The following PCDH15 variants were observed in gnomAD, a reference collection of about 807,000 sequenced individuals.
PCDH15 encodes protocadherin related 15.
Under a neutral mutation model 178.5 loss-of-function variants are expected in PCDH15, and 129 were observed. That is an observed-to-expected ratio of 0.72 (90% CI 0.63 to 0.84). PCDH15 has a LOEUF of 0.84. Ranked by LOEUF, PCDH15 falls within the 40% of genes least tolerant of loss-of-function variation. PCDH15 has a pLI of 0.00. For synonymous variants in PCDH15, 800 were observed against 732.0 expected (o/e 1.09, Z -1.50); for missense variants, 2,230 against 2,099.9 (o/e 1.06, Z -1.21).
At chr10:53,999,781 C>A (rs1404406051) in intron 20 of PCDH15, among the ~76,000 whole-genome samples, 1 of 152,090 alleles carries the variant, frequency 6.6e-6, no homozygotes, top group Non-Finnish European at 1.5e-5. Flanking sequence ...TTTTTGCCAC[C>A]CTGAAGGGAA....
At chr10:55,462,742 C>T (rs1839706412) in intron 2 of PCDH15, among the ~76,000 whole-genome samples, 1 of 152,002 alleles carries the variant, frequency 6.6e-6, no homozygotes, top group South Asian at 2.1e-4. Context: ...ATATTTTTGT[C>T]CTTTTCCTTA....
intron 1 of PCDH15, among the ~76,000 whole-genome samples, chr10:55,265,410 TCTC>T (rs1375787934): frequency 6.6e-5 from 10 of 151,508 alleles, no homozygotes; most frequent in Non-Finnish European, 1.3e-4. Context: ...ATATTTGAAA[TCTC>T]CTGGGGAGAC....
At chr10:53,969,678 G>C (rs373749045) in intron 21 of PCDH15, among the ~76,000 whole-genome samples, 2 of 152,206 alleles carry the variant, frequency 1.3e-5, no homozygotes, top group Non-Finnish European at 2.9e-5. Context: ...AAATGTACAA[G>C]TCAGAAGAGA....
chr10:55,437,484 G>C (rs1477689453), intron 2 of PCDH15, among the ~76,000 whole-genome samples: 1 of 152,128 alleles, frequency 6.6e-6, no homozygotes, highest in East Asian at 1.9e-4. Context: ...TTTTGGAAAA[G>C]AGGCACCTTG....
chr10:54,846,321 A>G (rs888902633), intron 3 of PCDH15, among the ~76,000 whole-genome samples: 3 of 152,210 alleles, frequency 2.0e-5, no homozygotes, highest in African/African-American at 7.2e-5. Context: ...TAGGTCAACT[A>G]TTAAACACCC....
intron 21 of PCDH15, among the ~76,000 whole-genome samples, chr10:53,969,938 G>T (rs2089493948): frequency 6.6e-6 from 1 of 152,174 alleles, no homozygotes; most frequent in African/African-American, 2.4e-5. Flanking sequence ...ATGCTAGGAA[G>T]AAACTGCATC....
intron 2 of PCDH15, among the ~76,000 whole-genome samples, chr10:55,342,213 C>T (rs943267471): frequency 6.6e-6 from 1 of 151,496 alleles, no homozygotes; most frequent in African/African-American, 2.4e-5. Context: ...AGATTATACC[C>T]ATTTTTTCAA....
At chr10:53,853,384 A>G (rs1369038295) in intron 28 of PCDH15, among the ~76,000 whole-genome samples, 1 of 152,058 alleles carries the variant, frequency 6.6e-6, no homozygotes, top group African/African-American at 2.4e-5. Flanking sequence ...ATATGACACC[A>G]ATAGCACAGG....
At chr10:55,613,017 A>ATTTTTTT (rs34403286) in intron 2 of PCDH15, among the ~76,000 whole-genome samples, 4 of 82,390 alleles carry the variant, frequency 4.9e-5, no homozygotes, top group Admixed American at 1.5e-4. Context: ...TACTAGCCAG[A>ATTTTTTT]TTTTTTTTTT....
intron 2 of PCDH15, among the ~76,000 whole-genome samples, chr10:54,958,610 G>A (rs1436119105): frequency 6.6e-6 from 1 of 151,610 alleles, no homozygotes; most frequent in Non-Finnish European, 1.5e-5. Flanking sequence ...AGAAGCTGAA[G>A]AAAACAATTA....
chr10:55,133,763 T>C (rs1838116685), intron 2 of PCDH15, among the ~76,000 whole-genome samples: 1 of 152,180 alleles, frequency 6.6e-6, no homozygotes, highest in African/African-American at 2.4e-5. Context: ...AGCTAAATTG[T>C]AGAGTCATTT....
chr10:54,617,068 A>T (rs898582232), intron 2 of PCDH15, among the ~76,000 whole-genome samples: 1 of 150,984 alleles, frequency 6.6e-6, no homozygotes, highest in Non-Finnish European at 1.5e-5. Flanking sequence ...TTATTTATTT[A>T]TTTTTTTAAG....
chr10:55,307,768 C>A (rs909579509), intron 1 of PCDH15, among the ~76,000 whole-genome samples: 1 of 151,732 alleles, frequency 6.6e-6, no homozygotes, highest in African/African-American at 2.4e-5. Flanking sequence ...TTTATTCTTC[C>A]TCAGACACCA....
chr10:54,568,830 CTCA>C (rs1205487433), intron 2 of PCDH15, among the ~76,000 whole-genome samples: 17 of 151,848 alleles, frequency 1.1e-4, no homozygotes, highest in South Asian at 2.1e-4. Flanking sequence ...TATTTTTAAA[CTCA>C]TCATCATCAT....
In PCDH15 at chr10:55,281,253, A is replaced by G. The variant is rs1371264894; in HGVS notation, c.-156+38346T>C. Among the ~76,000 whole-genome samples the G allele has an allele frequency of 2.0e-5, 3 of 152,066 alleles. 1 individual carries two copies. Among genetic ancestry groups the G allele is most frequent in the South Asian group, 4.1e-4 (2 of 4,824 alleles). On this transcript the variant is annotated intron_variant, in intron 1 of 5. Coordinates refer to the PCDH15 transcript ENST00000458638. The stretch of plus-strand genomic sequence containing the variant: ...GGAATAATAATAACAGAAGAAAAAT[A>G]ATTTATAATCTGTCTTCATTTTCTT...
intron 2 of PCDH15, among the ~76,000 whole-genome samples, chr10:54,987,706 GT>G (rs57340864): frequency 0.066 from 9,302 of 140,554 alleles, 361 homozygotes; most frequent in African/African-American, 0.11. Flanking sequence ...ACTTTTTGAT[GT>G]TTTTTTTTTT....
In PCDH15 at chr10:55,564,233, CATT is replaced by C. The variant is rs1014401811; in HGVS notation, c.-156+63389_-156+63391del. Among the ~76,000 whole-genome samples the C allele has an allele frequency of 2.0e-5, 3 of 151,412 alleles. No homozygotes were observed. In the Admixed American group the frequency reaches 2.0e-4, roughly 10 times the overall value. ...ACAATGTATAGACATAATTTTGTGA[CATT>C]AATAACTAAAAAAATGTGAATGAAG... On this transcript the variant is annotated intron_variant, in intron 2 of 5. Transcript: ENST00000613346.
intron 3 of PCDH15, among the ~76,000 whole-genome samples, chr10:54,851,053 C>A (rs1224736417): frequency 6.6e-6 from 1 of 152,080 alleles, no homozygotes; most frequent in East Asian, 1.9e-4. Context: ...ATATGCTGAT[C>A]ATAAATATGA....
At chr10:54,299,125 G>A (rs905000736) in intron 8 of PCDH15, among the ~76,000 whole-genome samples, 1 of 151,794 alleles carries the variant, frequency 6.6e-6, no homozygotes, top group Non-Finnish European at 1.5e-5. Flanking sequence ...ACAGAGGCAG[G>A]GAAAGACCAG....
Sources: allele counts gnomAD v4.1 joint callset (sites outside exome capture counted in the v4.1 genomes callset), GRCh38; gene constraint gnomAD v4.1.1; transcripts MANE v1.5; gene names NCBI Gene and HGNC (gene_info 2026-07-23, HGNC 2026-07-21).